The following DMD variants were observed in gnomAD, a reference collection of about 807,000 sequenced individuals.
DMD encodes the protein dystrophin, also known as mutant dystrophin.
A neutral mutation model predicts 330.1 loss-of-function variants in DMD; 63 were observed. The ratio of observed to expected loss-of-function variants is 0.19; its 90% CI spans 0.16 to 0.24. The LOEUF is 0.24. Ranked by LOEUF, DMD falls within the 10% of genes least tolerant of loss-of-function variation. DMD has a pLI of 1.00. For synonymous variants in DMD, 1,223 were observed against 959.8 expected, an observed-to-expected ratio of 1.27 and a Z score of -5.07; for missense variants, 3,344 against 2,684.1, an observed-to-expected ratio of 1.25 and a Z score of -5.43.
chrX:32,355,403 T>C (rs1241023318), intron 37 of DMD, among the ~76,000 whole-genome samples: 1 of 111,237 alleles, frequency 9.0e-6, no homozygotes, highest in African/African-American at 3.3e-5. Flanking sequence ...CAAAGCAAAA[T>C]TGCTTTACAT....
intron 29 of DMD, chrX:32,412,144 A>C: frequency 8.7e-7 from 1 of 1,145,791 alleles, no homozygotes; most frequent in Non-Finnish European, 1.2e-6. Context: ...CATGAAAATC[A>C]ATCACAATAT....
At chrX:32,881,046 T>G (rs1423333833) in intron 2 of DMD, among the ~76,000 whole-genome samples, 2 of 112,889 alleles carry the variant, frequency 1.8e-5, no homozygotes, top group Non-Finnish European at 3.7e-5. Flanking sequence ...TAGATTGAGT[T>G]ATTTATGAAT....
intron 2 of DMD, among the ~76,000 whole-genome samples, chrX:32,901,932 G>T (rs2086282426): frequency 9.1e-6 from 1 of 109,826 alleles, no homozygotes. Context: ...TTATGGAAAA[G>T]TATAAAATCG....
chrX:32,987,115 GA>G (rs2092864079), intron 2 of DMD, among the ~76,000 whole-genome samples: 1 of 111,670 alleles, frequency 9.0e-6, no homozygotes, highest in African/African-American at 3.3e-5. Context: ...GGGACCTAAG[GA>G]TCAAGATCAC....
At chrX:32,436,012 C>T (rs1432500288) in intron 29 of DMD, among the ~76,000 whole-genome samples, 1 of 112,002 alleles carries the variant, frequency 8.9e-6, no homozygotes, top group African/African-American at 3.3e-5. Context: ...AGGCTACTTC[C>T]CTGTGAATTT....
At chrX:32,570,817 A>G (rs952145527) in intron 15 of DMD, among the ~76,000 whole-genome samples, 1 of 111,724 alleles carries the variant, frequency 9.0e-6, no homozygotes, top group African/African-American at 3.3e-5. Context: ...TAGCTTTAAC[A>G]TATTTGGATT....
At chrX:32,181,488 T>C (rs1471384152) in intron 44 of DMD, among the ~76,000 whole-genome samples, 1 of 111,913 alleles carries the variant, frequency 8.9e-6, no homozygotes, top group Non-Finnish European at 1.9e-5. Context: ...ATGTTAAGTA[T>C]TGTGTATTTT....
chrX:32,787,265 AG>A (rs2075459472), intron 7 of DMD, among the ~76,000 whole-genome samples: 2 of 107,304 alleles, frequency 1.9e-5, no homozygotes, highest in Admixed American at 2.0e-4. Context: ...AGAGAGAGAG[AG>A]AGAGAGAAAG....
intron 32 of DMD, among the ~76,000 whole-genome samples, chrX:32,389,278 C>A (rs1603632301): frequency 9.0e-6 from 1 of 111,517 alleles, no homozygotes; most frequent in Admixed American, 9.6e-5. Context: ...TAAACACAAG[C>A]AACATCCTTT....
intron 2 of DMD, among the ~76,000 whole-genome samples, chrX:32,974,079 A>C (rs1209743777): frequency 8.9e-6 from 1 of 112,039 alleles, no homozygotes; most frequent in Non-Finnish European, 1.9e-5. Context: ...AAAATTTGGT[A>C]TATCCATACA....
chrX:32,316,415 C>A (rs724271), intron 41 of DMD, among the ~76,000 whole-genome samples: 5,620 of 109,603 alleles, frequency 0.051, 356 homozygotes, highest in African/African-American at 0.17. Context: ...TTCAGCTATA[C>A]GTTATAAAGT....
intron 1 of DMD, among the ~76,000 whole-genome samples, chrX:33,197,012 T>C (rs2050977918): frequency 1.8e-5 from 2 of 111,161 alleles, no homozygotes; most frequent in Non-Finnish European, 3.8e-5. Context: ...AAGTAGGACA[T>C]ATAGAATACG....
At chrX:31,421,951 A>G (rs1267397135) in intron 60 of DMD, among the ~76,000 whole-genome samples, 1 of 66,088 alleles carries the variant, frequency 1.5e-5, no homozygotes, top group African/African-American at 1.1e-4. Flanking sequence ...ACATATATAT[A>G]TATATATACA....
chrX:32,841,031 G>A (rs1212865085), intron 4 of DMD, among the ~76,000 whole-genome samples: 1 of 111,719 alleles, frequency 9.0e-6, no homozygotes, highest in Non-Finnish European at 1.9e-5. Context: ...GAGATTTCCA[G>A]TTGATCCATG....
Position 31,756,488 on chromosome X carries a change from A to ACG in DMD, c.7542+17470_7542+17471dup, listed in dbSNP as rs1491054353. ...TACACACACACACACACACACACAC[A>ACG]CGCGCATGCACGCGCACATATGGTT... On this transcript the variant is annotated intron_variant, in intron 51 of 78. Transcript: ENST00000357033. Among the ~76,000 whole-genome samples, 23 of 105,464 alleles carry ACG rather than the reference A, an allele frequency of 2.2e-4. 1 individual carries two copies. Among genetic ancestry groups the ACG allele is most frequent in the African/African-American group, 5.1e-4 (15 of 29,265 alleles). 91.6% of individuals were successfully genotyped at this position (105,464 alleles called of 115,157 possible). A position where few individuals can be genotyped will look rare whatever the true frequency, so the allele number is the denominator to read the frequency against.
chrX:32,168,911 C>T (rs763362041), intron 44 of DMD, among the ~76,000 whole-genome samples: 5 of 111,860 alleles, frequency 4.5e-5, no homozygotes, highest in Non-Finnish European at 9.4e-5. Context: ...GTTCGTCTGT[C>T]CACATCAACC....
intron 30 of DMD, among the ~76,000 whole-genome samples, chrX:32,396,020 T>C (rs746957591): frequency 9.0e-6 from 1 of 111,300 alleles, no homozygotes; most frequent in African/African-American, 3.3e-5. Flanking sequence ...ATAGCGTAAG[T>C]GATCACTGCA....
At chrX:31,172,238 G>T in intron 73 of DMD, 110 bp downstream of exon 73, 3 of 601,173 alleles carry the variant, frequency 5.0e-6, no homozygotes, top group South Asian at 5.0e-5. Flanking sequence ...CTCCTTAAAA[G>T]ATCAAATGAA....
chrX:31,617,942 A>T (rs1269313365), intron 55 of DMD, among the ~76,000 whole-genome samples: 1 of 111,761 alleles, frequency 8.9e-6, no homozygotes, highest in African/African-American at 3.3e-5. Context: ...ATGGAGCTGG[A>T]GGCCATTATC....
Sources: gnomAD v4.1 joint callset for allele counts (sites outside exome capture counted in the v4.1 genomes callset) on GRCh38, gnomAD v4.1.1 for gene constraint, MANE v1.5 for transcripts, NCBI Gene and HGNC (gene_info 2026-07-23, HGNC 2026-07-21) for gene names.